VPS4B: variants seen among roughly 807,000 people sequenced by gnomAD.
The protein encoded by VPS4B is vacuolar protein sorting-associated protein 4B.
A neutral mutation model predicts 56.1 loss-of-function variants in VPS4B; 23 were observed. That is an observed-to-expected ratio of 0.41 (90% CI 0.30 to 0.58). The LOEUF (loss-of-function observed/expected upper bound fraction) is 0.58. Among genes scored for constraint, VPS4B ranks in the 20% least tolerant of loss-of-function variants. The pLI is 0.29. For missense variants in VPS4B, 372 were observed against 531.9 expected (o/e 0.70, Z 2.96); for synonymous variants, 177 against 186.0 (o/e 0.95, Z 0.39).
At chr18:63,414,850 G>A (rs1916127746) in intron 1 of VPS4B, among the ~76,000 whole-genome samples, 1 of 152,186 alleles carries the variant, frequency 6.6e-6, no homozygotes, top group South Asian at 2.1e-4. Flanking sequence ...CCTCACTGAG[G>A]CACCACACTG....
intron 4 of VPS4B, among the ~76,000 whole-genome samples, chr18:63,406,161 T>G (rs1915912583): frequency 6.6e-6 from 1 of 152,222 alleles, no homozygotes; most frequent in Non-Finnish European, 1.5e-5. Context: ...CCCACTGGGT[T>G]ACCCAATAAA....
intron 8 of VPS4B, among the ~76,000 whole-genome samples, chr18:63,397,901 G>C (rs988589809): frequency 1.3e-5 from 2 of 152,072 alleles, no homozygotes; most frequent in South Asian, 2.1e-4. Flanking sequence ...TCTAGAGATG[G>C]GTGCAGAATA....
chr18:63,416,706 G>T (rs1207010416), intron 1 of VPS4B, among the ~76,000 whole-genome samples: 1 of 151,938 alleles, frequency 6.6e-6, no homozygotes. Context: ...AAATAACCTG[G>T]GCCCTAGCTA....
intron 10 of VPS4B, among the ~76,000 whole-genome samples, chr18:63,391,942 A>T (rs1915557400): frequency 6.6e-6 from 1 of 152,210 alleles, no homozygotes; most frequent in African/African-American, 2.4e-5. Context: ...AAAAATAATG[A>T]AAAGGACCAC....
At chr18:63,403,870 A>G in intron 4 of VPS4B, 44 bp from the exon 5 acceptor site, 1 of 1,574,292 alleles carries the variant, frequency 6.4e-7, no homozygotes, top group Non-Finnish European at 8.6e-7. Flanking sequence ...AGACTATTTC[A>G]CCAAAGTTAG....
At chr18:63,417,004 G>C (rs1599367823) in intron 1 of VPS4B, among the ~76,000 whole-genome samples, 1 of 152,220 alleles carries the variant, frequency 6.6e-6, no homozygotes, top group East Asian at 1.9e-4. Flanking sequence ...CTTTAGGGAG[G>C]TAGGTTCCAT....
intron 1 of VPS4B, among the ~76,000 whole-genome samples, chr18:63,412,986 C>T (rs758320023): frequency 6.6e-6 from 1 of 152,094 alleles, no homozygotes; most frequent in African/African-American, 2.4e-5. Flanking sequence ...GATGAAAGGA[C>T]AATCTATAGA....
chr18:63,411,145 A>G (rs938714282), intron 2 of VPS4B, among the ~76,000 whole-genome samples: 14 of 152,204 alleles, frequency 9.2e-5, no homozygotes, highest in Non-Finnish European at 1.3e-4. Context: ...ATTTCTTTCC[A>G]TTGTATCCCC....
chr18:63,405,485 G>A (rs1915897038), intron 4 of VPS4B, among the ~76,000 whole-genome samples: 1 of 151,892 alleles, frequency 6.6e-6, no homozygotes, highest in African/African-American at 2.4e-5. Flanking sequence ...AGAAAAAAAA[G>A]GATATTCAAA....
Position 63,399,274 on chromosome 18 carries a change from T to C in VPS4B, c.840A>G (p.Ile280Met). 5 of 1,614,048 alleles carry C rather than the reference T, an allele frequency of 3.1e-6. No homozygotes were observed. Among genetic ancestry groups the C allele is most frequent in the Non-Finnish European group, 4.2e-6 (5 of 1,179,942 alleles). The change falls in exon 8 of 11, where the codon ATA (isoleucine) becomes ATG (methionine). Residue 280 changes from isoleucine to methionine, a missense_variant. By Grantham distance (10) the Ile-to-Met change is conservative (BLOSUM62 1). Around this residue, in one of 3 missense-constraint regions of VPS4B, gnomAD observed 66 missense variants for 150.7 expected, o/e 0.44. Coordinates refer to ENST00000238497, the MANE Select transcript of VPS4B (RefSeq NM_004869.4). ...TAATGGCAGAATCCAGAACCCAGGG[T>C]ATATTTGTAGCTCCCAGAACCAAAA... ...DGILVLGATN[I>M]PWVLDSAIRR...
intron 4 of VPS4B, among the ~76,000 whole-genome samples, chr18:63,406,510 G>A (rs762759860): frequency 4.9e-4 from 75 of 152,126 alleles, no homozygotes; most frequent in Non-Finnish European, 2.8e-4. Context: ...ATTCTATTTG[G>A]TAAGATTCAA....
At chr18:63,404,510 G>C (rs1437734160) in intron 4 of VPS4B, 2 of 152,190 alleles carry the variant, frequency 1.3e-5, no homozygotes, top group African/African-American at 4.8e-5. Flanking sequence ...TTAACTTACA[G>C]GGAAGATTTA....
intron 5 of VPS4B, among the ~76,000 whole-genome samples, 190 bp downstream of exon 5, chr18:63,403,517 A>AAT (rs1193260542): frequency 6.6e-6 from 1 of 152,240 alleles, no homozygotes; most frequent in East Asian, 1.9e-4. Flanking sequence ...GTTGTTTTGC[A>AAT]ATATATATAC....
At chr18:63,416,659 A>AT (rs1197926984) in intron 1 of VPS4B, among the ~76,000 whole-genome samples, 1 of 152,164 alleles carries the variant, frequency 6.6e-6, no homozygotes, top group African/African-American at 2.4e-5. Context: ...ATTAAAAACA[A>AT]TAAAATCCTG....
At chr18:63,418,017 T>A (rs551695813) in intron 1 of VPS4B, among the ~76,000 whole-genome samples, 1 of 152,184 alleles carries the variant, frequency 6.6e-6, no homozygotes, top group Admixed American at 6.5e-5. Flanking sequence ...GTGGAGCTGA[T>A]CCCCACCTTC....
At chr18:63,398,891 T>C (rs540001892) in intron 8 of VPS4B, among the ~76,000 whole-genome samples, 4 of 152,312 alleles carry the variant, frequency 2.6e-5, no homozygotes, top group African/African-American at 9.6e-5. Flanking sequence ...AATTGCCATT[T>C]TGCTAAAATT....
intron 1 of VPS4B, among the ~76,000 whole-genome samples, chr18:63,412,204 T>C (rs559492013): frequency 5.9e-5 from 9 of 152,162 alleles, no homozygotes; most frequent in Non-Finnish European, 1.0e-4. Context: ...AAAGGATCAC[T>C]AAAATAACAT....
intron 1 of VPS4B, 36 bp from the exon 2 acceptor site, chr18:63,411,614 A>C: frequency 1.4e-6 from 2 of 1,450,782 alleles, no homozygotes; most frequent in Middle Eastern, 3.7e-4. Flanking sequence ...CATTTAAATC[A>C]AAGCATAAAC....
At chr18:63,422,194 T>G in intron 1 of VPS4B, 39 bp downstream of exon 1, 4 of 1,463,824 alleles carry the variant, frequency 2.7e-6, no homozygotes, top group Non-Finnish European at 3.6e-6. Flanking sequence ...CTCCCCTCGA[T>G]CCCAGCTCCC....
Sources: allele counts gnomAD v4.1 joint callset (sites outside exome capture counted in the v4.1 genomes callset), GRCh38; gene constraint gnomAD v4.1.1; regional missense constraint gnomAD v4.1.1; transcripts MANE v1.5; gene names NCBI Gene and HGNC (gene_info 2026-07-23, HGNC 2026-07-21).